TPST1: variants seen among roughly 807,000 people sequenced by gnomAD.
TPST1 encodes the protein tyrosylprotein sulfotransferase 1, also known as protein-tyrosine sulfotransferase 1.
Under a neutral mutation model 34.8 loss-of-function variants are expected in TPST1, and 20 were observed. The observed-to-expected ratio is 0.57, with a 90% confidence interval of 0.40 to 0.84. The LOEUF (loss-of-function observed/expected upper bound fraction) is 0.84, where lower values mean the gene tolerates loss of function less well. TPST1 is among the 40% of genes least tolerant of loss of function. The pLI, the probability that TPST1 is intolerant of heterozygous loss-of-function variation, is 0.00. For missense variants in TPST1, 353 were observed against 455.5 expected (o/e 0.78, Z 2.05); for synonymous variants, 152 against 159.4 (o/e 0.95, Z 0.35).
At chr7:66,333,587 G>C (rs897287455) in intron 3 of TPST1, among the ~76,000 whole-genome samples, 7 of 152,080 alleles carry the variant, frequency 4.6e-5, no homozygotes, top group African/African-American at 1.7e-4. Flanking sequence ...TTTTTTCCCA[G>C]CTCCAGTCTC....
intron 2 of TPST1, among the ~76,000 whole-genome samples, chr7:66,254,988 A>C (rs956566053): frequency 6.6e-6 from 1 of 151,880 alleles, no homozygotes; most frequent in Non-Finnish European, 1.5e-5. Flanking sequence ...TCTACTAAAA[A>C]TACAAAAAAT....
chr7:66,252,280 G>A (rs977755492), intron 2 of TPST1, among the ~76,000 whole-genome samples: 1 of 150,690 alleles, frequency 6.6e-6, no homozygotes, highest in African/African-American at 2.4e-5. Flanking sequence ...GGATGGTCTC[G>A]ATCTCCTGAC....
chr7:66,253,345 A>C (rs552361474), intron 2 of TPST1, among the ~76,000 whole-genome samples: 1 of 149,634 alleles, frequency 6.7e-6, no homozygotes, highest in Non-Finnish European at 1.5e-5. Context: ...CCATGTATGC[A>C]TTATTCTTTT....
upstream of TPST1, among the ~76,000 whole-genome samples, chr7:66,203,201 A>C (rs978714373): frequency 6.6e-6 from 1 of 151,624 alleles, no homozygotes; most frequent in African/African-American, 2.4e-5. Context: ...ACACATATAC[A>C]CACAAACACA....
chr7:66,305,567 A>G (rs368705170), intron 3 of TPST1, among the ~76,000 whole-genome samples: 1 of 152,202 alleles, frequency 6.6e-6, no homozygotes, highest in Non-Finnish European at 1.5e-5. Context: ...ATCGGGATCA[A>G]TCAGCCTAGC....
At chr7:66,312,993 A>G (rs1399422236) in intron 3 of TPST1, among the ~76,000 whole-genome samples, 1 of 152,082 alleles carries the variant, frequency 6.6e-6, no homozygotes, top group Non-Finnish European at 1.5e-5. Context: ...TCTAAAGAAC[A>G]TTATGAAAAC....
At chr7:66,216,007 G>A (rs1346520910) in intron 1 of TPST1, among the ~76,000 whole-genome samples, 2 of 151,918 alleles carry the variant, frequency 1.3e-5, no homozygotes, top group Non-Finnish European at 2.9e-5. Flanking sequence ...TCCTGACCTT[G>A]TGATCCGCCC....
chr7:66,345,282 A>G (rs1792322734), intron 3 of TPST1, among the ~76,000 whole-genome samples: 1 of 151,272 alleles, frequency 6.6e-6, no homozygotes, highest in African/African-American at 2.4e-5. Flanking sequence ...AGATCACTTG[A>G]GGTCAGGAGT....
chr7:66,345,341 A>G (rs1792323981), intron 3 of TPST1, among the ~76,000 whole-genome samples: 1 of 151,652 alleles, frequency 6.6e-6, no homozygotes, highest in African/African-American at 2.4e-5. Context: ...TACTAAAAAT[A>G]GAAAAATTAG....
At chr7:66,293,440 C>T (rs1327959101) in intron 3 of TPST1, among the ~76,000 whole-genome samples, 2 of 152,052 alleles carry the variant, frequency 1.3e-5, no homozygotes, top group Admixed American at 6.6e-5. Context: ...GAGGTCAAGG[C>T]TGCAGTGAGC....
chr7:66,306,785 T>A (rs1791431797), intron 3 of TPST1, among the ~76,000 whole-genome samples: 1 of 152,228 alleles, frequency 6.6e-6, no homozygotes, highest in Non-Finnish European at 1.5e-5. Context: ...CAATCTTGTC[T>A]CACTGAAACC....
intron 4 of TPST1, chr7:66,352,914 T>G: frequency 3.0e-6 from 3 of 985,428 alleles, no homozygotes; most frequent in Non-Finnish European, 3.6e-6. Flanking sequence ...CCCTCTCTGT[T>G]CCTACTCTGT....
intron 3 of TPST1, among the ~76,000 whole-genome samples, chr7:66,328,906 A>ATATT (rs1299138303): frequency 6.1e-4 from 8 of 13,158 alleles, no homozygotes; most frequent in African/African-American, 2.3e-3. Context: ...ATATATATAT[A>ATATT]TTTTTTTTTT....
intron 3 of TPST1, among the ~76,000 whole-genome samples, chr7:66,313,749 T>A (rs1191071045): frequency 6.6e-6 from 1 of 152,138 alleles, no homozygotes; most frequent in East Asian, 1.9e-4. Flanking sequence ...TACAGAGAAA[T>A]CCTGTGTATT....
chr7:66,213,662 C>G (rs1022575819), intron 1 of TPST1, among the ~76,000 whole-genome samples: 4 of 150,784 alleles, frequency 2.7e-5, no homozygotes, highest in African/African-American at 4.9e-5. Context: ...GGCTGAGGCG[C>G]GAACCCAGGA....
chr7:66,246,178 AATTTTTTT>A (rs1299525099), intron 2 of TPST1, among the ~76,000 whole-genome samples: 1 of 89,966 alleles, frequency 1.1e-5, no homozygotes, highest in Non-Finnish European at 2.1e-5. Context: ...ATGCCTGGCT[AATTTTTTT>A]TTTTTTTTTT....
intron 2 of TPST1, among the ~76,000 whole-genome samples, chr7:66,259,713 A>G (rs947963637): frequency 3.3e-5 from 5 of 152,160 alleles, no homozygotes; most frequent in Non-Finnish European, 7.4e-5. Context: ...CAATATCAGT[A>G]TCCTACTGGT....
At chr7:66,344,254 A>T (rs1382192535) in intron 3 of TPST1, 3 of 152,142 alleles carry the variant, frequency 2.0e-5, no homozygotes, top group African/African-American at 7.2e-5. Flanking sequence ...AAAGGAAAAG[A>T]ATAGGATATC....
chr7:66,341,714 T>C lies in TPST1; in HGVS notation c.1045-10791T>C, dbSNP rs550562262. On this transcript the variant is annotated intron_variant, in intron 3 of 5. Transcript: ENST00000304842. ...CTTCATAGCCAAGACTTGCCAGAAATTGGCAGAACATCTCTAACATAAGAG... is the reference window on the plus strand; with the variant it reads ...CTTCATAGCCAAGACTTGCCAGAAACTGGCAGAACATCTCTAACATAAGAG... 2.0e-5 allele frequency among the ~76,000 whole-genome samples: 3 copies of C among 152,268 alleles called. No individual in the cohort carries two copies. In the East Asian group the frequency reaches 5.8e-4, roughly 29 times the overall value.
Sources: allele counts gnomAD v4.1 joint callset (sites outside exome capture counted in the v4.1 genomes callset), GRCh38; gene constraint gnomAD v4.1.1; transcripts MANE v1.5; gene names NCBI Gene and HGNC (gene_info 2026-07-23, HGNC 2026-07-21).